Variants in TENM1 observed in about 807,000 individuals in gnomAD.
TENM1 encodes teneurin transmembrane protein 1.
A neutral mutation model predicts 174.8 loss-of-function variants in TENM1; 35 were observed. The observed-to-expected ratio is 0.20, with a 90% CI of 0.15 to 0.27. TENM1 has a LOEUF of 0.27. Ranked by LOEUF, TENM1 falls within the 10% of genes least tolerant of loss-of-function variation. TENM1 has a pLI of 1.00. For missense variants in TENM1, 1,633 were observed against 2,130.1 expected (o/e 0.77, Z 4.59); for synonymous variants, 781 against 798.7 (o/e 0.98, Z 0.37).
the TENM1 span, among the ~76,000 whole-genome samples, chrX:125,081,666 A>G: frequency 9.0e-6 from 1 of 111,528 alleles, no homozygotes; most frequent in African/African-American, 3.2e-5. Flanking sequence ...TATCTACCCA[A>G]TGAAAAAGAA....
At chrX:124,708,676 CA>C (rs894937876) in intron 4 of TENM1, among the ~76,000 whole-genome samples, 2 of 109,961 alleles carry the variant, frequency 1.8e-5, no homozygotes, top group African/African-American at 6.6e-5. Flanking sequence ...TATTACCAAG[CA>C]AAAAAAGGCA....
At chrX:124,452,614 C>T (rs1353273203) in intron 23 of TENM1, among the ~76,000 whole-genome samples, 1 of 111,047 alleles carries the variant, frequency 9.0e-6, no homozygotes, top group Non-Finnish European at 1.9e-5. Context: ...AGACCTGGAA[C>T]CAACCCAAAT....
At chrX:125,010,540 C>T in the TENM1 span, among the ~76,000 whole-genome samples, 12 of 109,150 alleles carry the variant, frequency 1.1e-4, no homozygotes, top group Non-Finnish European at 2.3e-4. Context: ...ACAGGCCGGG[C>T]GCAGTGGCTC....
At chrX:124,979,920 G>A in the TENM1 span, among the ~76,000 whole-genome samples, 1,347 of 111,872 alleles carry the variant, frequency 0.012, 20 homozygotes, top group African/African-American at 0.041. Context: ...ATCATTTGGG[G>A]AAATGGGAAT....
chrX:124,673,576 TA>T (rs1438530253), intron 5 of TENM1, among the ~76,000 whole-genome samples: 1 of 111,873 alleles, frequency 8.9e-6, no homozygotes, highest in Admixed American at 9.5e-5. Context: ...GGCATTGCAA[TA>T]ATTTAGGAAA....
At chrX:124,948,760 G>T (rs970833932) in intron 1 of TENM1, among the ~76,000 whole-genome samples, 2 of 111,913 alleles carry the variant, frequency 1.8e-5, no homozygotes, top group African/African-American at 6.5e-5. Flanking sequence ...CACCATATTG[G>T]CCAGGTTGGT....
At chrX:125,005,911 G>C in the TENM1 span, among the ~76,000 whole-genome samples, 81 of 111,457 alleles carry the variant, frequency 7.3e-4, 5 homozygotes, top group Non-Finnish European at 1.9e-5. Flanking sequence ...TATACCACTA[G>C]AGCCCCAGGT....
chrX:124,492,828 A>T (rs1602531690), intron 20 of TENM1, among the ~76,000 whole-genome samples: 1 of 110,380 alleles, frequency 9.1e-6, no homozygotes, highest in East Asian at 2.8e-4. Flanking sequence ...GGAGGCAGGG[A>T]ACTCTAAGGA....
chrX:124,869,786 C>T (rs1342676909), intron 3 of TENM1, among the ~76,000 whole-genome samples: 1 of 103,525 alleles, frequency 9.7e-6, no homozygotes, highest in Non-Finnish European at 1.9e-5. Flanking sequence ...TAATTGAACT[C>T]GCAGACACAG....
intron 22 of TENM1, among the ~76,000 whole-genome samples, chrX:124,470,320 T>C (rs962126059): frequency 9.0e-6 from 1 of 111,566 alleles, no homozygotes; most frequent in South Asian, 3.7e-4. Flanking sequence ...TATGGAAAGA[T>C]CTTCAAGACA....
chrX:124,971,149 G>T, the TENM1 span, among the ~76,000 whole-genome samples: 1 of 69,296 alleles, frequency 1.4e-5, no homozygotes, highest in African/African-American at 5.7e-5. Flanking sequence ...GGTGGGGGGA[G>T]GGGGGAGGGA....
At chrX:124,889,477 T>C (rs778404877) in intron 3 of TENM1, among the ~76,000 whole-genome samples, 2 of 111,384 alleles carry the variant, frequency 1.8e-5, no homozygotes, top group South Asian at 3.8e-4. Context: ...AGAGACAGTG[T>C]TGAAGGAGAT....
At chrX:125,170,770 C>CA in the TENM1 span, among the ~76,000 whole-genome samples, 2 of 111,154 alleles carry the variant, frequency 1.8e-5, no homozygotes, top group Non-Finnish European at 3.8e-5. Flanking sequence ...ATTACCACTC[C>CA]AATACCTTCT....
In TENM1 at chrX:124,855,741, GT is replaced by G. The variant is rs1276660380; in HGVS notation, c.535+38554del. Among the ~76,000 whole-genome samples, 3 of 111,518 alleles carry G rather than the reference GT, an allele frequency of 2.7e-5. No individual in the cohort carries two copies. In the Admixed American group the frequency reaches 2.9e-4, roughly 11 times the overall value. ...GCCCGTCTCTATAATTCAGTTTGGT[GT>G]TTCCTGTCAATTGTACATCTTGGAT... is the stretch of plus-strand genomic sequence containing the variant. On this transcript the variant is annotated intron_variant, in intron 3 of 31. Transcript: ENST00000422452.
At chrX:124,529,802 T>C in intron 16 of TENM1, 62 bp downstream of exon 19, 1 of 1,201,652 alleles carries the variant, frequency 8.3e-7, no homozygotes, top group Non-Finnish European at 1.1e-6. Context: ...GAGCCCTGGT[T>C]TTACCCCTGG....
At chrX:124,560,575 T>C (rs1406430943) in intron 14 of TENM1, among the ~76,000 whole-genome samples, 1 of 110,928 alleles carries the variant, frequency 9.0e-6, no homozygotes, top group Non-Finnish European at 1.9e-5. Flanking sequence ...ATCACAAAGT[T>C]GCCTCCACTT....
At chrX:124,511,957 A>G (rs1224145383) in intron 18 of TENM1, among the ~76,000 whole-genome samples, 3 of 111,986 alleles carry the variant, frequency 2.7e-5, no homozygotes, top group Non-Finnish European at 5.6e-5. Flanking sequence ...TTGCCAAACT[A>G]CTATACTAAA....
the TENM1 span, among the ~76,000 whole-genome samples, chrX:125,056,796 C>T: frequency 1.8e-5 from 2 of 111,951 alleles, no homozygotes; most frequent in Non-Finnish European, 3.8e-5. Context: ...GTACTCCAAA[C>T]GTTTTTGTAA....
the TENM1 span, among the ~76,000 whole-genome samples, chrX:125,124,410 G>A: frequency 0.023 from 2,595 of 111,648 alleles, 71 homozygotes; most frequent in African/African-American, 0.08. Context: ...TAGAAGGATG[G>A]TAACAATAAA....
Sources: allele counts gnomAD v4.1 joint callset (sites outside exome capture counted in the v4.1 genomes callset), GRCh38; gene constraint gnomAD v4.1.1; transcripts MANE v1.5; gene names NCBI Gene and HGNC (gene_info 2026-07-23, HGNC 2026-07-21).